The following ULK4 variants were observed in gnomAD, a reference collection of about 807,000 sequenced individuals.
ULK4 encodes the protein inactive serine/threonine-protein kinase ULK4.
A neutral mutation model predicts 160.6 loss-of-function variants in ULK4; 133 were observed. That is an observed-to-expected ratio of 0.83 (90% confidence interval 0.72 to 0.96). ULK4 has a LOEUF of 0.96. Ranked by LOEUF, ULK4 falls within the 40% of genes least tolerant of loss-of-function variation. The pLI is 0.00. For synonymous variants in ULK4, 534 were observed against 539.8 expected (o/e 0.99, Z 0.15); for missense variants, 1,580 against 1,499.5 (o/e 1.05, Z -0.89).
intron 32 of ULK4, among the ~76,000 whole-genome samples, chr3:41,553,816 T>C (rs1323035535): frequency 6.6e-6 from 1 of 152,176 alleles, no homozygotes. Flanking sequence ...ATTTATCCTT[T>C]GTGTTATAAA....
intron 35 of ULK4, among the ~76,000 whole-genome samples, chr3:41,344,515 G>A (rs771701898): frequency 2.0e-5 from 3 of 152,088 alleles, no homozygotes; most frequent in Non-Finnish European, 2.9e-5. Flanking sequence ...ACTTTGGAAG[G>A]CTGAGGTGGG....
intron 16 of ULK4, among the ~76,000 whole-genome samples, chr3:41,886,926 A>G (rs879806091): frequency 6.6e-6 from 1 of 152,206 alleles, no homozygotes; most frequent in Non-Finnish European, 1.5e-5. Context: ...AACCCATAGT[A>G]GTGGTAAACT....
intron 29 of ULK4, among the ~76,000 whole-genome samples, chr3:41,679,175 C>T (rs774307212): frequency 6.6e-6 from 1 of 152,072 alleles, no homozygotes; most frequent in Non-Finnish European, 1.5e-5. Flanking sequence ...TGCCCTATTA[C>T]AATCTTTACT....
At chr3:41,590,279 G>A (rs2031186222) in intron 31 of ULK4, among the ~76,000 whole-genome samples, 1 of 151,392 alleles carries the variant, frequency 6.6e-6, no homozygotes, top group Admixed American at 6.6e-5. Flanking sequence ...TGGGATTACA[G>A]GCATGAGCCA....
chr3:41,248,277 C>G (rs552520692), intron 36 of ULK4, among the ~76,000 whole-genome samples: 1 of 152,268 alleles, frequency 6.6e-6, no homozygotes, highest in African/African-American at 2.4e-5. Context: ...AGGCCAGGAT[C>G]CGATGGCATG....
intron 31 of ULK4, among the ~76,000 whole-genome samples, chr3:41,568,462 T>A (rs1418197082): frequency 1.3e-5 from 2 of 152,224 alleles, no homozygotes; most frequent in Admixed American, 6.5e-5. Context: ...TGATACTGAC[T>A]TATAAGTGAC....
At chr3:41,316,604 G>T (rs774134267) in intron 35 of ULK4, among the ~76,000 whole-genome samples, 2 of 152,168 alleles carry the variant, frequency 1.3e-5, no homozygotes, top group Non-Finnish European at 2.9e-5. Context: ...CAGACACTGT[G>T]TATTACTAGA....
chr3:41,703,964 C>T (rs988610495), intron 27 of ULK4, among the ~76,000 whole-genome samples: 9 of 151,924 alleles, frequency 5.9e-5, no homozygotes, highest in African/African-American at 1.9e-4. Context: ...ATGGTATCTA[C>T]GTGACCATGA....
chr3:41,440,590 G>A (rs1361183425), intron 34 of ULK4, among the ~76,000 whole-genome samples: 1 of 151,966 alleles, frequency 6.6e-6, no homozygotes, highest in Non-Finnish European at 1.5e-5. Flanking sequence ...TTGCATCTAT[G>A]GTCATACAGG....
intron 32 of ULK4, among the ~76,000 whole-genome samples, chr3:41,561,205 G>A (rs1172923856): frequency 6.6e-6 from 1 of 152,134 alleles, no homozygotes; most frequent in East Asian, 1.9e-4. Context: ...TGCATCCCAG[G>A]GACGAAGCCA....
At chr3:41,705,747 G>A (rs998625985) in intron 25 of ULK4, among the ~76,000 whole-genome samples, 1 of 151,866 alleles carries the variant, frequency 6.6e-6, no homozygotes, top group African/African-American at 2.4e-5. Context: ...CACCTGCCTC[G>A]GCCTCCCAAA....
chr3:41,305,454 G>A (rs1051816280), intron 35 of ULK4, among the ~76,000 whole-genome samples: 12 of 152,368 alleles, frequency 7.9e-5, no homozygotes, highest in East Asian at 3.9e-4. Context: ...GCCCCTAACC[G>A]CAAGTGATCC....
intron 20 of ULK4, among the ~76,000 whole-genome samples, chr3:41,794,677 AAAAAAAAAAC>A (rs1398564519): frequency 1.3e-4 from 17 of 131,850 alleles, no homozygotes; most frequent in African/African-American, 4.9e-4. Context: ...AAAAAAAAAA[AAAAAAAAAAC>A]ACAGAAAAAA....
chr3:41,333,599 C>T (rs1180304479), intron 35 of ULK4, among the ~76,000 whole-genome samples: 1 of 152,072 alleles, frequency 6.6e-6, no homozygotes, highest in Non-Finnish European at 1.5e-5. Context: ...GGTAGTGCCA[C>T]CTTGTGACAA....
At chr3:41,518,125 T>C (rs2085813244) in intron 32 of ULK4, among the ~76,000 whole-genome samples, 1 of 152,148 alleles carries the variant, frequency 6.6e-6, no homozygotes, top group Admixed American at 6.5e-5. Context: ...AAACTGTTAA[T>C]GGAAGGGGAG....
intron 34 of ULK4, among the ~76,000 whole-genome samples, chr3:41,447,597 G>A (rs2083330398): frequency 6.6e-6 from 1 of 152,132 alleles, no homozygotes; most frequent in Admixed American, 6.5e-5. Flanking sequence ...CAGAGCCCTG[G>A]GGACTTTCCT....
chr3:41,394,854 A>G (rs914989615), intron 35 of ULK4, among the ~76,000 whole-genome samples: 1 of 152,078 alleles, frequency 6.6e-6, no homozygotes, highest in Non-Finnish European at 1.5e-5. Context: ...CTTTCGGAAG[A>G]TTTTGAGGCA....
intron 25 of ULK4, among the ~76,000 whole-genome samples, chr3:41,712,388 G>A (rs533617319): frequency 6.6e-6 from 1 of 152,268 alleles, no homozygotes; most frequent in Non-Finnish European, 1.5e-5. Flanking sequence ...AGCTCATGAA[G>A]AGCTGCCTCA....
chr3:41,690,037 A>G (rs1293580521), intron 27 of ULK4, among the ~76,000 whole-genome samples: 12 of 148,584 alleles, frequency 8.1e-5, no homozygotes, highest in South Asian at 4.3e-4. Flanking sequence ...ACTTGGAACC[A>G]ACCCAAATGT....
Sources: gnomAD v4.1 joint callset for allele counts (sites outside exome capture counted in the v4.1 genomes callset) on GRCh38, gnomAD v4.1.1 for gene constraint, MANE v1.5 for transcripts, NCBI Gene and HGNC (gene_info 2026-07-23, HGNC 2026-07-21) for gene names.